Variants in SLC5A6 observed in about 807,000 individuals in gnomAD.
SLC5A6 encodes solute carrier family 5 member 6.
SLC5A6 carries 31 observed loss-of-function variants against 67.9 expected under a neutral mutation model. The observed-to-expected ratio is 0.46, with a 90% confidence interval of 0.34 to 0.62. SLC5A6 has a LOEUF of 0.62. Among genes scored for constraint, SLC5A6 ranks in the 20% least tolerant of loss-of-function variants. SLC5A6 has a pLI of 0.01. For missense variants in SLC5A6, 673 were observed against 812.8 expected (o/e 0.83, Z 2.09); for synonymous variants, 343 against 331.0 (o/e 1.04, Z -0.39).
intron 9 of SLC5A6, 132 bp downstream of exon 9, chr2:27,204,329 G>T: frequency 1.0e-6 from 1 of 998,250 alleles, no homozygotes; most frequent in Non-Finnish European, 1.5e-6. Flanking sequence ...TAGCATCTCA[G>T]AGTGGGAAAG....
chr2:27,206,260 T>C (rs1320931697), intron 5 of SLC5A6, 167 bp from the exon 6 acceptor site: 4 of 714,172 alleles, frequency 5.6e-6, no homozygotes, highest in African/African-American at 3.5e-5. Flanking sequence ...CACCAAAAGA[T>C]ATTGACTAAC....
Position 27,204,368 on chromosome 2 carries a change from G to A in SLC5A6, c.1005+93C>T, listed in dbSNP as rs1220826621. 1.0e-5 allele frequency: 14 copies of A among 1,399,076 alleles called. No homozygotes were observed. The East Asian group carries it at 2.6e-4, about 26-fold the overall frequency. The allele number at this position is 1,399,076 out of a possible 1,614,324, so 86.7% of individuals were successfully genotyped here. On this transcript the variant is annotated intron_variant, in intron 9 of 16. Transcript: ENST00000310574. ...TTTACAACCGTCTCCCACCCAGGGTGGGAGTCCTTTCTGCAGTCAGTCCTT... is the reference window on the plus strand; with the variant it reads ...TTTACAACCGTCTCCCACCCAGGGTAGGAGTCCTTTCTGCAGTCAGTCCTT...
At chr2:27,201,597 G>C in intron 14 of SLC5A6, 69 bp downstream of exon 14, 1 of 1,515,434 alleles carries the variant, frequency 6.6e-7, no homozygotes, top group Non-Finnish European at 9.1e-7. Flanking sequence ...CCATCCCTTA[G>C]CAAGACCCCT....
At chr2:27,202,647 T>A (rs987971980) in intron 12 of SLC5A6, among the ~76,000 whole-genome samples, 166 bp downstream of exon 12, 9 of 151,966 alleles carry the variant, frequency 5.9e-5, no homozygotes, top group Admixed American at 5.2e-4. Flanking sequence ...CCCTGCGTCC[T>A]CTGGCTGCTT....
In SLC5A6 at chr2:27,201,827, C is replaced by G; in HGVS notation, c.1383G>C (p.Leu461Phe). The G allele has an allele frequency of 1.2e-6, 2 of 1,614,114 alleles. No homozygotes were observed. The highest frequency in any genetic ancestry group is 1.7e-6 in the Non-Finnish European group (2 of 1,179,980). Residue 461 changes from leucine (L) to phenylalanine (F), a missense_variant, in exon 14 of 17, where the codon TTG becomes TTC. Transcript: ENST00000310574. ...ANPPGAVVGLLAGLVMAFWIG... is the reference protein window; with the variant it reads ...ANPPGAVVGLFAGLVMAFWIG... ...TCCAGAAGGCCATGACGAGCCCAGC[C>G]AACAGGCCCACAACAGCACCCTGCC...
At chr2:27,202,226 G>A (rs920561918) in intron 12 of SLC5A6, 152 bp from the exon 13 acceptor site, 276 of 690,934 alleles carry the variant, frequency 4.0e-4, no homozygotes, top group Non-Finnish European at 4.4e-4. Context: ...AGAGGTGGCC[G>A]AGCGGTGGCT....
chr2:27,207,049 A>G lies in SLC5A6; in HGVS notation c.394-107T>C. The G allele has an allele frequency of 1.8e-6, 2 of 1,083,772 alleles. No individual in the cohort carries two copies. The highest frequency in any genetic ancestry group is 4.7e-5 in the East Asian group (2 of 42,452). 67.1% of individuals were successfully genotyped at this position (1,083,772 alleles called of 1,614,324 possible). A position where few individuals can be genotyped will look rare whatever the true frequency, so the allele number is the denominator to read the frequency against. ...ATGAGGGAATATCCAACCCATACCCACTCTGAGTCCTACTCGGCATAGCAC... is the reference window on the plus strand; with the variant it reads ...ATGAGGGAATATCCAACCCATACCCGCTCTGAGTCCTACTCGGCATAGCAC... On this transcript the variant is annotated intron_variant, in intron 3 of 16. Transcript: ENST00000310574. This position sits in a 1 kb window ranked among gnomAD's most constrained non-coding sequence, Gnocchi z 5.5.
In SLC5A6 at chr2:27,200,461, C is replaced by A; in HGVS notation, c.1883G>T (p.Cys628Phe). 1 of 1,613,088 alleles carries A rather than the reference C, an allele frequency of 6.2e-7. No individual in the cohort carries two copies. The highest frequency in any genetic ancestry group is 2.2e-5 in the East Asian group (1 of 44,872). Residue 628 changes from cysteine (C) to phenylalanine (F), a missense_variant, in exon 17 of 17, where the codon TGC (cysteine) becomes TTC (phenylalanine). Physicochemically the swap from Cys to Phe is radical, Grantham distance 205 (BLOSUM62 -2). Transcript: ENST00000310574. ...TCACAGGGAGGTCTCCTGGAGGATG[C>A]AGGTGGAGCTGCTCCCCTGATAGGC... ...GTAYQGSSST[C>F]ILQETSL
chr2:27,207,387 C>T lies in SLC5A6; in HGVS notation c.264G>A (p.Val88=). 1 of 1,614,220 alleles carries T rather than the reference C, an allele frequency of 6.2e-7. No homozygotes were observed. Among genetic ancestry groups the T allele is most frequent in the Non-Finnish European group, 8.5e-7 (1 of 1,180,054 alleles). Residue 88 remains valine, a synonymous_variant, in exon 3 of 17, where the codon GTG becomes GTA. Coordinates refer to ENST00000310574, the MANE Select transcript of SLC5A6 (RefSeq NM_021095.4). The surrounding 1 kb of genome is among the most constrained non-coding windows in gnomAD (Gnocchi z 5.5). ...TCCCAAATCGGTAGATCTCTGACGGCACACCCAGGATGGCCACGGCTGACT... is the reference window on the plus strand; with the variant it reads ...TCCCAAATCGGTAGATCTCTGACGGTACACCCAGGATGGCCACGGCTGACT... The part of the protein sequence containing the change: ...TFQSAVAILG[V]PSEIYRFGTQ...
At position 27,202,028 on chromosome 2, in the gene SLC5A6, A is replaced by C; in HGVS notation, c.1322T>G (p.Leu441Arg). The C allele has an allele frequency of 6.2e-7, 1 of 1,614,180 alleles. No individual in the cohort carries two copies. ...FGMVGGPLLG[L>R]FCLGMFFPCA... Reference sequence around the variant, plus strand: ...TGGAAAGAACATTCCAAGGCAGAAGAGTCCCAGCAGCGGTCCCCCAACCAT... The same window carrying C: ...TGGAAAGAACATTCCAAGGCAGAAGCGTCCCAGCAGCGGTCCCCCAACCAT... The change falls in exon 13 of 17, where the codon CTC becomes CGC. Residue 441 changes from leucine to arginine, a missense_variant. Transcript: ENST00000310574.
At chr2:27,205,570 A>T in intron 6 of SLC5A6, 66 bp from the exon 7 acceptor site, 1 of 1,561,600 alleles carries the variant, frequency 6.4e-7, no homozygotes, top group African/African-American at 1.4e-5. Context: ...AACCTGCCTT[A>T]TTTTGTTGTT....
chr2:27,212,205 T>A lies in SLC5A6; in HGVS notation c.-393A>T. 3 of 1,555,460 alleles carry A rather than the reference T, an allele frequency of 1.9e-6. No homozygotes were observed. The highest frequency in any genetic ancestry group is 2.6e-6 in the Non-Finnish European group (3 of 1,150,138). On this transcript the variant is annotated 5_prime_UTR_variant, in exon 1 of 17. The change abolishes an upstream ATG in the 5' untranslated region. Transcript: ENST00000310574. ...ATCCCCGAAAGAGGGCTAGGGCGCA[T>A]GAAGACCAGCGCAGAGCTCCACGAG...
At position 27,209,628 on chromosome 2, in the gene SLC5A6, T is replaced by C. The variant is rs13424785; in HGVS notation, c.-140-1838A>G. Among the ~76,000 whole-genome samples, 461 of 152,328 alleles carry C rather than the reference T, an allele frequency of 3.0e-3. 3 individuals carry two copies. The highest frequency in any genetic ancestry group is 0.01 in the African/African-American group (431 of 41,576). ...CCAGGACAGGAGCAGAGTGTTGCAG[T>C]CAGTCATTCACAGGACATAGTTTAG... On this transcript the variant is annotated intron_variant, in intron 2 of 16. Coordinates refer to ENST00000310574, the MANE Select transcript of SLC5A6 (RefSeq NM_021095.4).
chr2:27,207,281 G>A lies in SLC5A6; in HGVS notation c.370C>T (p.Leu124=). The A allele has an allele frequency of 2.5e-6, 4 of 1,614,000 alleles. No homozygotes were observed. Among genetic ancestry groups the A allele is most frequent in the Non-Finnish European group, 3.4e-6 (4 of 1,180,018 alleles). The change falls in exon 3 of 17, where the codon CTG becomes TTG. Residue 124 remains leucine, a synonymous_variant. Coordinates refer to ENST00000310574, the MANE Select transcript of SLC5A6 (RefSeq NM_021095.4). The surrounding 1 kb of genome is among the most constrained non-coding windows in gnomAD (Gnocchi z 5.5). ...AHIFIPVFYR[L]HLTSAYEYLE... is the part of the protein sequence containing the mutation. ...ACCTCATAGGCACTGGTGAGATGCA[G>A]GCGGTAGAAAACGGGGATGAAGATG...
intron 9 of SLC5A6, among the ~76,000 whole-genome samples, chr2:27,204,080 G>A (rs1030162345): frequency 1.6e-4 from 25 of 152,114 alleles, no homozygotes; most frequent in Admixed American, 5.2e-4. Context: ...GACACAATTC[G>A]CCCGCAGCTC....
chr2:27,205,437 G>A lies in SLC5A6; in HGVS notation c.647C>T (p.Ala216Val). 7 of 1,614,112 alleles carry A rather than the reference G, an allele frequency of 4.3e-6. No individual in the cohort carries two copies. The highest frequency in any genetic ancestry group is 5.9e-6 in the Non-Finnish European group (7 of 1,179,976). ...QTLVMFLGQL[A>V]VIIVGSAKVG... ...CTTGGCTGACCCCACAATGATAACTGCCAGCTGCCCGAGGAACATGACCAG... is the reference window on the plus strand; with the variant it reads ...CTTGGCTGACCCCACAATGATAACTACCAGCTGCCCGAGGAACATGACCAG... Residue 216 changes from alanine (A) to valine (V), a missense_variant, in exon 7 of 17, where the codon GCA becomes GTA. By Grantham distance (64) the Ala-to-Val change is moderately conservative. Coordinates refer to ENST00000310574, the MANE Select transcript of SLC5A6 (RefSeq NM_021095.4).
chr2:27,203,312 A>G lies in SLC5A6; in HGVS notation c.1128T>C (p.Thr376=). The G allele has an allele frequency of 5.0e-6, 8 of 1,614,178 alleles. No individual in the cohort carries two copies. The highest frequency in any genetic ancestry group is 6.8e-6 in the Non-Finnish European group (8 of 1,180,018). ...TISSAFNSLA[T]VTMEDLIRPW... is the part of the protein sequence containing the mutation. ...GTCGAATCAGGTCTTCCATCGTAAC[A>G]GTTGCCAATGAATTAAAAGCAGAGG... Residue 376 remains threonine, a synonymous_variant, in exon 11 of 17, where the codon ACT becomes ACC. Transcript: ENST00000310574.
Position 27,201,781 on chromosome 2 carries a change from T to A in SLC5A6, c.1429A>T (p.Thr477Ser), listed in dbSNP as rs1485172647. The change falls in exon 14 of 17, where the codon ACC becomes TCC. Residue 477 changes from threonine to serine, a missense_variant. Transcript: ENST00000310574. ...AFWIGIGSIV[T>S]SMGSSMPPSP... ...GGTGGCATGCTGGAGCCCATGCTGG[T>A]CACGATGCTCCCGATGCCAATCCAG... 1 of 1,614,116 alleles carries A rather than the reference T, an allele frequency of 6.2e-7. No individual in the cohort carries two copies. The highest frequency in any genetic ancestry group is 8.5e-7 in the Non-Finnish European group (1 of 1,180,000).
At chr2:27,205,528 T>C in intron 6 of SLC5A6, 24 bp from the exon 7 acceptor site, 9 of 1,613,780 alleles carry the variant, frequency 5.6e-6, no homozygotes, top group Non-Finnish European at 6.8e-6. Context: ...ACAGCAAACC[T>C]GCCACAGAGG....
Sources: gnomAD v4.1 joint callset for allele counts (sites outside exome capture counted in the v4.1 genomes callset) on GRCh38, gnomAD v4.1.1 for gene constraint, Gnocchi (gnomAD v3.1) non-coding constraint, MANE v1.5 for transcripts, NCBI Gene and HGNC (gene_info 2026-07-23, HGNC 2026-07-21) for gene names.